PTPRD: variants seen among roughly 807,000 people sequenced by gnomAD.
The protein encoded by PTPRD is protein tyrosine phosphatase receptor type D, also known as receptor-type tyrosine-protein phosphatase delta.
Under a neutral mutation model 214.5 loss-of-function variants are expected in PTPRD, and 34 were observed. The ratio of observed to expected loss-of-function variants is 0.16; its 90% CI spans 0.12 to 0.21. PTPRD has a LOEUF of 0.21. Ranked by LOEUF, PTPRD falls within the 10% of genes least tolerant of loss-of-function variation. The pLI is 1.00. For missense variants in PTPRD, 2,545 were observed against 2,398.7 expected (o/e 1.06, Z -1.27); for synonymous variants, 1,128 against 845.7 (o/e 1.33, Z -5.79).
chr9:9,942,806 G>C (rs1325290457), intron 4 of PTPRD, among the ~76,000 whole-genome samples: 1 of 151,452 alleles, frequency 6.6e-6, no homozygotes, highest in Admixed American at 6.6e-5. Flanking sequence ...TTTTATCCAA[G>C]TTGCAATTTA....
chr9:9,153,433 T>C (rs2154489966), intron 10 of PTPRD, among the ~76,000 whole-genome samples: 1 of 152,280 alleles, frequency 6.6e-6, no homozygotes, highest in Admixed American at 6.5e-5. Flanking sequence ...ATAAATAACA[T>C]ATTTTTTCTT....
intron 11 of PTPRD, among the ~76,000 whole-genome samples, chr9:8,769,317 A>G (rs893450010): frequency 6.6e-6 from 1 of 152,232 alleles, no homozygotes; most frequent in Non-Finnish European, 1.5e-5. Context: ...ACAGTTTTGT[A>G]AACACTAGTA....
rs536359783 is a variant in PTPRD, at chr9:8,553,326, G to T, written c.353-24547C>A. Among the ~76,000 whole-genome samples the T allele has an allele frequency of 1.1e-4, 17 of 152,294 alleles. No individual in the cohort carries two copies. In the South Asian group the frequency reaches 3.5e-3, roughly 32 times the overall value. ...TACGGAAGCAGAAAATAGTCAATGTGGAGTTGCTCTGACCTCAAGCAGCTT... is the reference window on the plus strand; with the variant it reads ...TACGGAAGCAGAAAATAGTCAATGTTGAGTTGCTCTGACCTCAAGCAGCTT... On this transcript the variant is annotated intron_variant, in intron 14 of 45. Coordinates refer to ENST00000381196, the MANE Select transcript of PTPRD (RefSeq NM_002839.4).
At chr9:10,586,069 C>A (rs2073788259) in intron 2 of PTPRD, among the ~76,000 whole-genome samples, 1 of 151,926 alleles carries the variant, frequency 6.6e-6, no homozygotes, top group Admixed American at 6.6e-5. Context: ...GTAAGATGTT[C>A]TTTTCAAAAC....
chr9:10,043,648 G>T (rs1256093818), intron 3 of PTPRD, among the ~76,000 whole-genome samples: 1 of 151,636 alleles, frequency 6.6e-6, no homozygotes, highest in Admixed American at 6.6e-5. Flanking sequence ...ATGCAAAAAA[G>T]GTGAGATGAT....
chr9:9,531,211 T>C (rs909010171), intron 8 of PTPRD, among the ~76,000 whole-genome samples: 1 of 152,142 alleles, frequency 6.6e-6, no homozygotes, highest in Non-Finnish European at 1.5e-5. Context: ...ATATATCCAT[T>C]CTGTAGAATG....
intron 4 of PTPRD, among the ~76,000 whole-genome samples, chr9:9,975,051 CGT>C (rs1566862723): frequency 6.9e-6 from 1 of 144,348 alleles, no homozygotes; most frequent in African/African-American, 2.8e-5. Flanking sequence ...AGGAGAAGGT[CGT>C]ATCACAATCA....
chr9:9,491,228 A>T (rs1374664264), intron 8 of PTPRD, among the ~76,000 whole-genome samples: 1 of 151,918 alleles, frequency 6.6e-6, no homozygotes, highest in African/African-American at 2.4e-5. Context: ...TATATTAAAA[A>T]TTTCAATACA....
intron 3 of PTPRD, among the ~76,000 whole-genome samples, chr9:10,136,428 A>G (rs928845805): frequency 2.4e-4 from 36 of 152,148 alleles, no homozygotes; most frequent in Admixed American, 6.6e-4. Flanking sequence ...CGCAAAGTAC[A>G]CAGTCTTTTA....
intron 2 of PTPRD, among the ~76,000 whole-genome samples, chr9:10,545,365 T>C (rs2059967345): frequency 6.6e-6 from 1 of 152,162 alleles, no homozygotes; most frequent in South Asian, 2.1e-4. Flanking sequence ...TTTTCAAGCA[T>C]GAGGGGTCAT....
chr9:8,994,038 AC>A (rs2099387388), intron 11 of PTPRD, among the ~76,000 whole-genome samples: 1 of 152,126 alleles, frequency 6.6e-6, no homozygotes, highest in South Asian at 2.1e-4. Context: ...GGAAACTTTT[AC>A]CCACAATGTA....
At chr9:9,002,943 G>T (rs1056467074) in intron 11 of PTPRD, among the ~76,000 whole-genome samples, 6 of 151,976 alleles carry the variant, frequency 3.9e-5, no homozygotes, top group African/African-American at 1.2e-4. Context: ...ATAGCCTGTT[G>T]TTAAATGTTC....
At chr9:9,354,504 T>A (rs2052879109) in intron 9 of PTPRD, among the ~76,000 whole-genome samples, 1 of 147,830 alleles carries the variant, frequency 6.8e-6, no homozygotes, top group East Asian at 2.1e-4. Flanking sequence ...ACTTTTCAAA[T>A]GAATTTTAAA....
At chr9:9,562,047 C>T (rs1482588776) in intron 8 of PTPRD, among the ~76,000 whole-genome samples, 2 of 152,176 alleles carry the variant, frequency 1.3e-5, no homozygotes, top group East Asian at 1.9e-4. Context: ...TACCCAACTT[C>T]GGAGTCTAAA....
chr9:8,704,114 T>G (rs2098147952), intron 12 of PTPRD, among the ~76,000 whole-genome samples: 2 of 151,992 alleles, frequency 1.3e-5, no homozygotes, highest in South Asian at 4.2e-4. Context: ...ACCATAAGAG[T>G]AGGGGCCAGC....
chr9:9,372,289 G>C (rs1287959435), intron 9 of PTPRD, among the ~76,000 whole-genome samples: 1 of 152,076 alleles, frequency 6.6e-6, no homozygotes, highest in Non-Finnish European at 1.5e-5. Context: ...TTATGTATCT[G>C]GGTGCTCCTG....
At position 9,275,082 on chromosome 9, in the gene PTPRD, AAT is replaced by A. The variant is rs1163948832; in HGVS notation, c.-202-91721_-202-91720del. 1.5e-4 allele frequency among the ~76,000 whole-genome samples: 10 copies of A among 65,832 alleles called. No homozygotes were observed. The South Asian group carries it at 2.2e-3, about 14-fold the overall frequency. The allele number at this position is 65,832 out of a possible 152,430, so 43.2% of individuals were successfully genotyped here. On this transcript the variant is annotated intron_variant, in intron 9 of 45. Transcript: ENST00000381196. ...ATATATATATTATATATATATATAT[AAT>A]ATATATGTTATATATATAATATATT...
chr9:8,661,403 C>G lies in PTPRD; in HGVS notation c.65-24559G>C, dbSNP rs572914128. Among the ~76,000 whole-genome samples, 161 of 151,912 alleles carry G rather than the reference C, an allele frequency of 1.1e-3. 1 individual carries two copies. The highest frequency in any genetic ancestry group is 3.3e-3 in the African/African-American group (138 of 41,348). ...GTTGTATTTATAGTGGGGGCATTTC[C>G]ACATCTAGTATCAAGGCAGTACTAT... On this transcript the variant is annotated intron_variant, in intron 12 of 45. Coordinates refer to ENST00000381196, the MANE Select transcript of PTPRD (RefSeq NM_002839.4).
At chr9:9,482,230 C>CTAGATATTTGAGAAAAT (rs1423204156) in intron 8 of PTPRD, among the ~76,000 whole-genome samples, 1 of 152,012 alleles carries the variant, frequency 6.6e-6, no homozygotes, top group Non-Finnish European at 1.5e-5. Context: ...TATCATATAC[C>CTAGATATTTGAGAAAAT]TGGACATTCC....
Sources: gnomAD v4.1 joint callset for allele counts (sites outside exome capture counted in the v4.1 genomes callset) on GRCh38, gnomAD v4.1.1 for gene constraint, MANE v1.5 for transcripts, NCBI Gene and HGNC (gene_info 2026-07-23, HGNC 2026-07-21) for gene names.